Variants in LNPK observed in about 807,000 individuals in gnomAD.
The protein encoded by LNPK is endoplasmic reticulum junction formation protein lunapark.
In LNPK, 29 loss-of-function variants were observed where a neutral mutation model predicts 55.2. That is an observed-to-expected ratio of 0.53 (90% CI 0.39 to 0.72). The LOEUF is 0.72. Ranked by LOEUF, LNPK falls within the 30% of genes least tolerant of loss-of-function variation. LNPK has a pLI of 0.00. For synonymous variants in LNPK, 162 were observed against 168.2 expected, an observed-to-expected ratio of 0.96 and a Z score of 0.29; for missense variants, 467 against 494.8, an observed-to-expected ratio of 0.94 and a Z score of 0.53.
At chr2:175,967,348 T>C (rs1471566965) in intron 6 of LNPK, among the ~76,000 whole-genome samples, 1 of 152,128 alleles carries the variant, frequency 6.6e-6, no homozygotes, top group Non-Finnish European at 1.5e-5. Context: ...AAATTATTTC[T>C]ACTGGATACA....
chr2:175,966,672 T>A (rs1481245427), intron 6 of LNPK, among the ~76,000 whole-genome samples: 1 of 152,226 alleles, frequency 6.6e-6, no homozygotes, highest in Non-Finnish European at 1.5e-5. Flanking sequence ...TATAATAGCT[T>A]AATTAACACA....
intron 4 of LNPK, among the ~76,000 whole-genome samples, chr2:175,990,065 G>T (rs73978128): frequency 0.13 from 20,499 of 152,140 alleles, 1,761 homozygotes; most frequent in Non-Finnish European, 0.2. Context: ...ATACTTTATT[G>T]CCCCTTTTGC....
Position 175,925,056 on chromosome 2 carries a change from T to C in LNPK, c.*4911A>G, listed in dbSNP as rs1285275519. The C allele has an allele frequency of 6.6e-6, 1 of 152,126 alleles. No individual in the cohort carries two copies. The highest frequency in any genetic ancestry group is 2.4e-5 in the African/African-American group (1 of 41,422). 9.4% of individuals were successfully genotyped at this position (152,126 alleles called of 1,614,324 possible). On this transcript the variant is annotated 3_prime_UTR_variant, in exon 13 of 13. Transcript: ENST00000272748. The stretch of plus-strand genomic sequence containing the variant: ...ATTTGCAGGGGTCAAACAAACCACA[T>C]ATAGCACCATTTCTAAGTCATTTAG...
Position 175,939,642 on chromosome 2 carries a change from C to A in LNPK, c.722G>T (p.Gly241Val). ...GAGAATAGGTCTTGCTAAAGGTGGA[C>A]CTGGAGGATGAAGACCTATTAAATA... ...SVPGMGLHPP[G>V]PPLARPILPR... The change falls in exon 10 of 13, where the codon GGT (glycine) becomes GTT (valine). Residue 241 changes from glycine to valine, a missense_variant. Coordinates refer to ENST00000272748, the MANE Select transcript of LNPK (RefSeq NM_030650.3). 1 of 1,570,946 alleles carries A rather than the reference C, an allele frequency of 6.4e-7. No homozygotes were observed. Among genetic ancestry groups the A allele is most frequent in the Non-Finnish European group, 8.7e-7 (1 of 1,147,228 alleles).
intron 6 of LNPK, among the ~76,000 whole-genome samples, chr2:175,966,278 G>A (rs1686346037): frequency 6.6e-6 from 1 of 152,170 alleles, no homozygotes; most frequent in South Asian, 2.1e-4. Flanking sequence ...TGGCCAGGCT[G>A]GTCTCGAACT....
chr2:175,971,845 G>A (rs1331283348), intron 5 of LNPK, among the ~76,000 whole-genome samples: 1 of 152,158 alleles, frequency 6.6e-6, no homozygotes, highest in Non-Finnish European at 1.5e-5. Context: ...TTTAATCCAA[G>A]GGTTAGCAAA....
intron 2 of LNPK, among the ~76,000 whole-genome samples, chr2:175,993,861 AATGATTACTCAAAAGAATTAACAC>A (rs1422218877): frequency 4.6e-5 from 7 of 152,300 alleles, no homozygotes; most frequent in African/African-American, 1.7e-4. Flanking sequence ...AATTCTTAGG[AATGATTACTCAAAAGAATTAACAC>A]ATTGAAAAAA....
At chr2:175,986,474 T>C (rs1037116409) in intron 4 of LNPK, among the ~76,000 whole-genome samples, 2 of 152,094 alleles carry the variant, frequency 1.3e-5, no homozygotes, top group Non-Finnish European at 2.9e-5. Context: ...TCAAGACCCA[T>C]GGCATAAAAC....
chr2:176,000,655 CTA>C (rs916170188), intron 1 of LNPK, among the ~76,000 whole-genome samples: 1 of 152,150 alleles, frequency 6.6e-6, no homozygotes, highest in African/African-American at 2.4e-5. Context: ...AAAGGAAGTT[CTA>C]TGTTTATCAA....
Position 175,929,088 on chromosome 2 carries a change from T to A in LNPK, c.*879A>T. The A allele has an allele frequency of 1.0e-6, 1 of 984,776 alleles. No individual in the cohort carries two copies. The highest frequency in any genetic ancestry group is 1.2e-6 in the Non-Finnish European group (1 of 828,984). 61.0% of individuals were successfully genotyped at this position (984,776 alleles called of 1,614,324 possible). A position where few individuals can be genotyped will look rare whatever the true frequency, so the allele number is the denominator to read the frequency against. On this transcript the variant is annotated 3_prime_UTR_variant, in exon 13 of 13. Coordinates refer to ENST00000272748, the MANE Select transcript of LNPK (RefSeq NM_030650.3). ...CCAAGTCACCCACCAAGATACTGTT[T>A]GAAGAAGACTAGATATTTAGCAAAA... is the stretch of plus-strand genomic sequence containing the variant.
intron 12 of LNPK, among the ~76,000 whole-genome samples, chr2:175,935,966 T>C (rs1162305206): frequency 6.6e-6 from 1 of 152,208 alleles, no homozygotes; most frequent in Non-Finnish European, 1.5e-5. Flanking sequence ...CACTTTAGCT[T>C]CTATAAGCAG....
chr2:175,966,596 T>G (rs938221002), intron 6 of LNPK, among the ~76,000 whole-genome samples: 2 of 152,216 alleles, frequency 1.3e-5, no homozygotes, highest in Admixed American at 1.3e-4. Flanking sequence ...AAAATCAGTT[T>G]TTAAGTACTA....
intron 6 of LNPK, among the ~76,000 whole-genome samples, chr2:175,969,681 T>A (rs1316940268): frequency 6.6e-6 from 1 of 152,212 alleles, no homozygotes; most frequent in Non-Finnish European, 1.5e-5. Flanking sequence ...ACTGACACCA[T>A]CAGTATTTCC....
chr2:175,954,304 C>T (rs1315639119), intron 8 of LNPK, among the ~76,000 whole-genome samples: 1 of 152,148 alleles, frequency 6.6e-6, no homozygotes, highest in Non-Finnish European at 1.5e-5. Context: ...AAATTTCCAA[C>T]TGCCTGCTAC....
intron 3 of LNPK, 134 bp from the exon 4 acceptor site, chr2:175,992,552 C>G (rs1574902441): frequency 2.1e-6 from 1 of 484,642 alleles, no homozygotes; most frequent in East Asian, 3.6e-5. Flanking sequence ...AATATTCTAA[C>G]AGTTTAAAAC....
intron 8 of LNPK, among the ~76,000 whole-genome samples, chr2:175,954,472 TC>T (rs1559042643): frequency 6.6e-6 from 1 of 152,194 alleles, no homozygotes; most frequent in Non-Finnish European, 1.5e-5. Flanking sequence ...CAGCTTAACT[TC>T]AGAAGTCCAT....
intron 6 of LNPK, among the ~76,000 whole-genome samples, chr2:175,966,914 C>T (rs1342568654): frequency 6.6e-6 from 1 of 152,168 alleles, no homozygotes; most frequent in Non-Finnish European, 1.5e-5. Flanking sequence ...AAAGAGTCCA[C>T]AACAGTGCCT....
intron 6 of LNPK, among the ~76,000 whole-genome samples, chr2:175,970,155 TAC>T (rs1455078967): frequency 5.9e-5 from 9 of 152,192 alleles, no homozygotes; most frequent in Non-Finnish European, 8.8e-5. Flanking sequence ...ATTCACTTAT[TAC>T]AGACTACTAT....
chr2:175,956,572 G>A (rs1476922315), intron 8 of LNPK, among the ~76,000 whole-genome samples: 1 of 152,100 alleles, frequency 6.6e-6, no homozygotes, highest in African/African-American at 2.4e-5. Context: ...AGCTCCTGTT[G>A]CATATTCTTA....
Sources: gnomAD v4.1 joint callset for allele counts (sites outside exome capture counted in the v4.1 genomes callset) on GRCh38, gnomAD v4.1.1 for gene constraint, MANE v1.5 for transcripts, NCBI Gene and HGNC (gene_info 2026-07-23, HGNC 2026-07-21) for gene names.